The following KPNA3 variants were observed in gnomAD, a reference collection of about 807,000 sequenced individuals.
The protein encoded by KPNA3 is importin subunit alpha-4.
KPNA3 carries 13 observed loss-of-function variants against 73.8 expected under a neutral mutation model. The ratio of observed to expected loss-of-function variants is 0.18; its 90% CI spans 0.11 to 0.28. KPNA3 has a LOEUF of 0.28. Ranked by LOEUF, KPNA3 falls within the 10% of genes least tolerant of loss-of-function variation. KPNA3 has a pLI of 1.00. For missense variants in KPNA3, 360 were observed against 618.1 expected (o/e 0.58, Z 4.43); for synonymous variants, 186 against 206.9 (o/e 0.90, Z 0.87).
chr13:49,699,984 A>T lies in KPNA3; in HGVS notation c.*1816T>A, dbSNP rs41284804. ...TGAACTTCAACTCAATTTTATGTGC[A>T]CAAGAGTTGAAAAATCTGAGCCACC... is the stretch of plus-strand genomic sequence containing the variant. On this transcript the variant is annotated 3_prime_UTR_variant, in exon 17 of 17. Transcript: ENST00000261667. 6.5e-6 allele frequency: 1 copy of T among 152,672 alleles called. No individual in the cohort carries two copies. Among genetic ancestry groups the T allele is most frequent in the Non-Finnish European group, 1.5e-5 (1 of 68,048 alleles). The allele number at this position is 152,672 out of a possible 1,614,324, so 9.5% of individuals were successfully genotyped here. A position where few individuals can be genotyped will look rare whatever the true frequency, so the allele number is the denominator to read the frequency against.
chr13:49,727,859 G>A (rs1190045127), intron 6 of KPNA3, among the ~76,000 whole-genome samples: 4 of 152,128 alleles, frequency 2.6e-5, no homozygotes, highest in Non-Finnish European at 4.4e-5. Context: ...AAATAATGGT[G>A]AACTCACTGA....
chr13:49,719,891 TA>T (rs753148603), intron 9 of KPNA3, 72 bp from the exon 10 acceptor site: 28 of 958,236 alleles, frequency 2.9e-5, no homozygotes, highest in Non-Finnish European at 4.0e-5. Context: ...AACTTTGACA[TA>T]AAAAGCGGTA....
At chr13:49,788,703 C>T (rs989798781) in intron 1 of KPNA3, among the ~76,000 whole-genome samples, 9 of 143,738 alleles carry the variant, frequency 6.3e-5, no homozygotes, top group Admixed American at 3.5e-4. Context: ...CCCTTGGCGA[C>T]AGAGCCAGAC....
At chr13:49,719,702 C>T (rs1291857274) in intron 10 of KPNA3, 73 bp downstream of exon 10, 2 of 965,426 alleles carry the variant, frequency 2.1e-6, no homozygotes, top group African/African-American at 1.6e-5. Flanking sequence ...AAAATGTATG[C>T]TGACACTTAC....
intron 1 of KPNA3, among the ~76,000 whole-genome samples, chr13:49,788,701 G>A (rs935943163): frequency 1.0e-4 from 15 of 146,254 alleles, no homozygotes; most frequent in African/African-American, 3.3e-4. Context: ...CACCCTTGGC[G>A]ACAGAGCCAG....
chr13:49,780,723 T>C (rs1321689724), intron 1 of KPNA3, among the ~76,000 whole-genome samples: 3 of 150,286 alleles, frequency 2.0e-5, no homozygotes, highest in African/African-American at 2.4e-5. Context: ...ATATTTCTTT[T>C]TTTTTTTTTT....
Position 49,792,514 on chromosome 13 carries a change from C to T in KPNA3, c.-8G>A. The T allele has an allele frequency of 6.6e-7, 1 of 1,524,638 alleles. No homozygotes were observed. Among genetic ancestry groups the T allele is most frequent in the South Asian group, 1.2e-5 (1 of 86,688 alleles). The allele number at this position is 1,524,638 out of a possible 1,614,324, so 94.4% of individuals were successfully genotyped here. The stretch of plus-strand genomic sequence containing the variant: ...GCTGGGGTTCTCGGCCATGGCTGCG[C>T]GCGGCTCCGGCGGCGGCTACTCCTG... On this transcript the variant is annotated 5_prime_UTR_variant, in exon 1 of 17. Coordinates refer to ENST00000261667, the MANE Select transcript of KPNA3 (RefSeq NM_002267.4).
chr13:49,769,203 A>G (rs1463018801), intron 1 of KPNA3, among the ~76,000 whole-genome samples: 2 of 152,228 alleles, frequency 1.3e-5, no homozygotes, highest in Non-Finnish European at 2.9e-5. Flanking sequence ...CTTTTACTAC[A>G]TAAACTCCAT....
intron 1 of KPNA3, among the ~76,000 whole-genome samples, chr13:49,780,117 T>C (rs909136500): frequency 1.3e-5 from 2 of 152,102 alleles, no homozygotes; most frequent in African/African-American, 2.4e-5. Context: ...ACTCTAGCCA[T>C]TGCTTGAGCT....
intron 1 of KPNA3, among the ~76,000 whole-genome samples, chr13:49,760,108 A>C (rs1362592896): frequency 6.6e-6 from 1 of 152,148 alleles, no homozygotes; most frequent in Non-Finnish European, 1.5e-5. Context: ...GGGCCAATAC[A>C]CATGTCAAGT....
intron 7 of KPNA3, among the ~76,000 whole-genome samples, chr13:49,723,969 G>A (rs1019148243): frequency 2.6e-5 from 4 of 152,066 alleles, no homozygotes; most frequent in African/African-American, 4.8e-5. Context: ...CAAGCGGCAG[G>A]CAACCATTAA....
intron 2 of KPNA3, among the ~76,000 whole-genome samples, chr13:49,738,011 A>C (rs933354072): frequency 1.3e-5 from 2 of 152,084 alleles, no homozygotes; most frequent in African/African-American, 2.4e-5. Context: ...AAAATTCTCT[A>C]TGTTTTTTCC....
chr13:49,746,753 T>C (rs1954620556), intron 2 of KPNA3, among the ~76,000 whole-genome samples, 196 bp downstream of exon 2: 1 of 152,220 alleles, frequency 6.6e-6, no homozygotes, highest in Non-Finnish European at 1.5e-5. Context: ...TCAGTGATGG[T>C]AAAGTGCTTC....
At chr13:49,713,540 C>G (rs750223656) in intron 10 of KPNA3, among the ~76,000 whole-genome samples, 1 of 151,314 alleles carries the variant, frequency 6.6e-6, no homozygotes, top group South Asian at 2.1e-4. Context: ...AAGCCTATCA[C>G]AAGGCAAAAA....
intron 1 of KPNA3, among the ~76,000 whole-genome samples, chr13:49,781,687 T>C (rs1397542085): frequency 6.6e-6 from 1 of 152,236 alleles, no homozygotes; most frequent in African/African-American, 2.4e-5. Context: ...ATTATTTTTA[T>C]GCCCAAACTG....
intron 9 of KPNA3, 110 bp from the exon 10 acceptor site, chr13:49,719,929 A>G: frequency 1.4e-6 from 1 of 695,150 alleles, no homozygotes; most frequent in Non-Finnish European, 2.4e-6. Flanking sequence ...CGAGAAAGAC[A>G]ATGTTAAATT....
intron 10 of KPNA3, among the ~76,000 whole-genome samples, chr13:49,713,634 A>AACACAC (rs66994650): frequency 0.023 from 3,204 of 140,844 alleles, 53 homozygotes; most frequent in East Asian, 0.069. Flanking sequence ...TCTTAGGTGA[A>AACACAC]ACACACACAC....
chr13:49,713,951 G>A (rs1954283853), intron 10 of KPNA3, among the ~76,000 whole-genome samples: 3 of 152,188 alleles, frequency 2.0e-5, no homozygotes, highest in Admixed American at 1.3e-4. Context: ...TGATCCACCC[G>A]CCTCAGCCTC....
chr13:49,717,987 G>A (rs1263446910), intron 10 of KPNA3, among the ~76,000 whole-genome samples: 1 of 151,830 alleles, frequency 6.6e-6, no homozygotes, highest in Non-Finnish European at 1.5e-5. Flanking sequence ...TGTGCTTATG[G>A]TATGATTTTT....
Sources: gnomAD v4.1 joint callset for allele counts (sites outside exome capture counted in the v4.1 genomes callset) on GRCh38, gnomAD v4.1.1 for gene constraint, MANE v1.5 for transcripts, NCBI Gene and HGNC (gene_info 2026-07-23, HGNC 2026-07-21) for gene names.